PRSS12: variants seen among roughly 807,000 people sequenced by gnomAD.
PRSS12 encodes serine protease 12, also known as neurotrypsin.
PRSS12 carries 85 observed loss-of-function variants against 104.4 expected under a neutral mutation model. That is an observed-to-expected ratio of 0.81 (90% CI 0.68 to 0.98). The LOEUF (loss-of-function observed/expected upper bound fraction) is 0.98, where lower values mean the gene tolerates loss of function less well. Among genes scored for constraint, PRSS12 ranks in the 50% least tolerant of loss-of-function variants. The pLI, the probability that PRSS12 is intolerant of heterozygous loss-of-function variation, is 0.00. For synonymous variants in PRSS12, 454 were observed against 425.2 expected (o/e 1.07, Z -0.83); for missense variants, 1,141 against 1,139.2 (o/e 1.00, Z -0.02).
In PRSS12 at chr4:118,330,339, C is replaced by T. The variant is rs1723886488; in HGVS notation, c.971+1377G>A. On this transcript the variant is annotated intron_variant, in intron 4 of 12. Coordinates refer to ENST00000296498, the MANE Select transcript of PRSS12 (RefSeq NM_003619.4). ...GACAAAATGTTTGCTTTGATCTAAT[C>T]AAGCCTTTAAACCTAAACTCTAATT... 2.6e-5 allele frequency among the ~76,000 whole-genome samples: 4 copies of T among 152,150 alleles called. No homozygotes were observed. In the South Asian group the frequency reaches 8.3e-4, roughly 32 times the overall value.
intron 11 of PRSS12, among the ~76,000 whole-genome samples, chr4:118,288,723 CA>C (rs1333111919): frequency 1.3e-5 from 2 of 152,168 alleles, no homozygotes; most frequent in Non-Finnish European, 2.9e-5. Flanking sequence ...CCACAATAGA[CA>C]CGCAAGGCAA....
chr4:118,329,298 C>T (rs1723860288), intron 4 of PRSS12, among the ~76,000 whole-genome samples: 1 of 152,152 alleles, frequency 6.6e-6, no homozygotes, highest in Non-Finnish European at 1.5e-5. Flanking sequence ...GCAACAAAAG[C>T]TTGCCTTTAC....
At position 118,352,511 on chromosome 4, in the gene PRSS12, CCGCG is replaced by C; in HGVS notation, c.206_209del (p.Pro69ArgfsTer33). The stretch of plus-strand genomic sequence containing the variant: ...CGTGCGGGCGCTGGGCAGGGAGCGC[CCGCG>C]GGGGGCGCGGGAAGCGCGGGAGAGG... On this transcript the variant is annotated frameshift_variant, in exon 1 of 13. Transcript: ENST00000296498. LOFTEE classifies it high-confidence loss of function. The C allele has an allele frequency of 6.9e-7, 1 of 1,448,132 alleles. No homozygotes were observed. Among genetic ancestry groups the C allele is most frequent in the Non-Finnish European group, 9.1e-7 (1 of 1,097,704 alleles). 89.7% of individuals were successfully genotyped at this position (1,448,132 alleles called of 1,614,324 possible).
intron 1 of PRSS12, among the ~76,000 whole-genome samples, chr4:118,338,576 T>G (rs1724119523): frequency 1.3e-5 from 2 of 152,168 alleles, no homozygotes; most frequent in Non-Finnish European, 2.9e-5. Context: ...CTATTATAAT[T>G]TTTTTCTTTA....
intron 6 of PRSS12, among the ~76,000 whole-genome samples, chr4:118,315,871 C>T (rs765187162): frequency 2.0e-5 from 3 of 152,098 alleles, no homozygotes; most frequent in East Asian, 1.9e-4. Context: ...ATAGTAATGA[C>T]GTGTCAGAAT....
intron 1 of PRSS12, among the ~76,000 whole-genome samples, chr4:118,350,034 T>C (rs1724453458): frequency 6.6e-6 from 1 of 151,948 alleles, no homozygotes; most frequent in Non-Finnish European, 1.5e-5. Context: ...AATAAAAGAA[T>C]GAAATGAGAA....
rs746252449 is a variant in PRSS12, at chr4:118,318,281, C to T, written c.1150+97G>A. 9.0e-5 allele frequency: 105 copies of T among 1,166,508 alleles called. 1 individual carries two copies. The highest frequency in any genetic ancestry group is 4.7e-4 in the Middle Eastern group (2 of 4,262). The allele number at this position is 1,166,508 out of a possible 1,614,324, so 72.3% of individuals were successfully genotyped here. On this transcript the variant is annotated intron_variant, in intron 5 of 12. Transcript: ENST00000296498. ...TATTTGGTGTATTTATTTGTATGCT[C>T]ATTTGGTAATGTTGAAATTAAGGAG...
chr4:118,296,450 T>C (rs992597940), intron 9 of PRSS12, among the ~76,000 whole-genome samples: 2 of 151,936 alleles, frequency 1.3e-5, no homozygotes, highest in African/African-American at 4.8e-5. Context: ...GTCAAGAACA[T>C]ACAAAAAAGA....
intron 8 of PRSS12, among the ~76,000 whole-genome samples, chr4:118,301,989 CT>C (rs1257322249): frequency 6.6e-6 from 1 of 152,082 alleles, no homozygotes; most frequent in African/African-American, 2.4e-5. Flanking sequence ...GGCAGGCACT[CT>C]TTTGTTCCTA....
At chr4:118,301,864 C>T (rs1743413976) in intron 8 of PRSS12, among the ~76,000 whole-genome samples, 1 of 152,064 alleles carries the variant, frequency 6.6e-6, no homozygotes. Context: ...CTTGGGTTTT[C>T]TAGGTGAACA....
Position 118,352,751 on chromosome 4 carries a change from TC to T in PRSS12, c.-32del, listed in dbSNP as rs1324222838. On this transcript the variant is annotated 5_prime_UTR_variant, in exon 1 of 13. Transcript: ENST00000296498. The stretch of plus-strand genomic sequence containing the variant: ...CAGCGCTGCGGGGTCTGGTCCATGC[TC>T]CCCAGCTTCTCGGGCTTGGAGCGGA... 5.7e-6 allele frequency: 9 copies of T among 1,591,116 alleles called. No homozygotes were observed. In the South Asian group the frequency reaches 1.0e-4, roughly 18 times the overall value.
intron 1 of PRSS12, among the ~76,000 whole-genome samples, chr4:118,344,849 TA>T (rs1457213004): frequency 6.6e-6 from 1 of 152,168 alleles, no homozygotes; most frequent in Non-Finnish European, 1.5e-5. Flanking sequence ...AGGCTAACAA[TA>T]CATGCATATA....
At chr4:118,307,652 C>A (rs377241589) in intron 8 of PRSS12, among the ~76,000 whole-genome samples, 56 of 152,216 alleles carry the variant, frequency 3.7e-4, no homozygotes, top group African/African-American at 1.1e-3. Flanking sequence ...GAGGTCTAAC[C>A]AACAGGAGAT....
At chr4:118,312,024 C>A (rs998324998) in intron 7 of PRSS12, among the ~76,000 whole-genome samples, 1 of 151,720 alleles carries the variant, frequency 6.6e-6, no homozygotes, top group Non-Finnish European at 1.5e-5. Flanking sequence ...AAAGAAGGGG[C>A]AAGGGAAAAG....
chr4:118,342,484 C>T (rs761765537), intron 1 of PRSS12, among the ~76,000 whole-genome samples: 3 of 152,110 alleles, frequency 2.0e-5, no homozygotes, highest in Admixed American at 1.3e-4. Flanking sequence ...TCAAGTGCCA[C>T]GTGCACAGAA....
intron 8 of PRSS12, among the ~76,000 whole-genome samples, chr4:118,299,794 T>TAAATAAAATA (rs1392579389): frequency 1.6e-5 from 1 of 64,458 alleles, no homozygotes; most frequent in Admixed American, 2.1e-4. Flanking sequence ...TAAAATAAAA[T>TAAATAAAATA]AAATAAAATA....
At chr4:118,312,412 TAAAGCTGTGATAGCATACAAC>T (rs1743765061) in intron 7 of PRSS12, among the ~76,000 whole-genome samples, 1 of 151,950 alleles carries the variant, frequency 6.6e-6, no homozygotes, top group Non-Finnish European at 1.5e-5. Context: ...AGATATATAA[TAAAGCTGTGATAGCATACAAC>T]AAAGTATTTT....
intron 11 of PRSS12, among the ~76,000 whole-genome samples, chr4:118,290,019 T>G (rs1048787341): frequency 1.3e-5 from 2 of 152,192 alleles, no homozygotes; most frequent in Non-Finnish European, 2.9e-5. Context: ...AAGCCCAACA[T>G]TCTTAAATAA....
At chr4:118,291,051 C>T (rs1413779727) in intron 11 of PRSS12, among the ~76,000 whole-genome samples, 6 of 151,708 alleles carry the variant, frequency 4.0e-5, no homozygotes, top group Admixed American at 2.0e-4. Flanking sequence ...CATTCACAGA[C>T]GCCCCCCTAG....
Sources: gnomAD v4.1 joint callset for allele counts (sites outside exome capture counted in the v4.1 genomes callset) on GRCh38, gnomAD v4.1.1 for gene constraint, MANE v1.5 for transcripts, NCBI Gene and HGNC (gene_info 2026-07-23, HGNC 2026-07-21) for gene names.